The following ATG7 variants were observed in gnomAD, a reference collection of about 807,000 sequenced individuals.
ATG7 encodes autophagy related 7, also known as ubiquitin-like modifier-activating enzyme ATG7.
A neutral mutation model predicts 82.4 loss-of-function variants in ATG7; 70 were observed. That is an observed-to-expected ratio of 0.85 (90% CI 0.70 to 1.04). ATG7 has a LOEUF of 1.04. ATG7 is among the 50% of genes least tolerant of loss of function. The probability of loss-of-function intolerance (pLI) is 0.00; values close to 1 mark genes in which losing one functional copy is unlikely to be tolerated. For missense variants in ATG7, 792 were observed against 864.3 expected (o/e 0.92, Z 1.05); for synonymous variants, 287 against 313.0 (o/e 0.92, Z 0.88).
At chr3:11,376,863 C>T (rs561040363) in intron 18 of ATG7, among the ~76,000 whole-genome samples, 2 of 152,298 alleles carry the variant, frequency 1.3e-5, no homozygotes, top group Non-Finnish European at 2.9e-5. Flanking sequence ...CTCAGCCTCC[C>T]GAGTAGCTGG....
chr3:11,330,138 G>C (rs1575488821), intron 9 of ATG7, among the ~76,000 whole-genome samples: 1 of 152,090 alleles, frequency 6.6e-6, no homozygotes, highest in Admixed American at 6.5e-5. Context: ...TGACATCCTT[G>C]GTAATGTTAA....
At chr3:11,400,077 T>C (rs752134093) in intron 19 of ATG7, among the ~76,000 whole-genome samples, 1 of 152,224 alleles carries the variant, frequency 6.6e-6, no homozygotes, top group African/African-American at 2.4e-5. Flanking sequence ...GCCCATCATT[T>C]ACACTGTTCT....
intron 20 of ATG7, among the ~76,000 whole-genome samples, chr3:11,427,855 G>C (rs541179354): frequency 6.6e-6 from 1 of 151,814 alleles, no homozygotes; most frequent in Non-Finnish European, 1.5e-5. Flanking sequence ...CCAAATGCTC[G>C]CTGTTCTTAG....
intron 20 of ATG7, among the ~76,000 whole-genome samples, chr3:11,545,722 C>A (rs1249505460): frequency 6.6e-6 from 1 of 152,104 alleles, no homozygotes; most frequent in East Asian, 1.9e-4. Flanking sequence ...CTGTTGTCAG[C>A]CCCCCTGGCG....
intron 11 of ATG7, among the ~76,000 whole-genome samples, chr3:11,334,203 T>C (rs928759184): frequency 3.3e-5 from 5 of 152,158 alleles, no homozygotes; most frequent in African/African-American, 1.2e-4. Flanking sequence ...TAATTCCTCA[T>C]CTCTATGTGA....
At position 11,298,828 on chromosome 3, in the gene ATG7, A is replaced by G; in HGVS notation, c.133A>G (p.Lys45Glu). The G allele has an allele frequency of 6.2e-7, 1 of 1,614,200 alleles. No homozygotes were observed. ...CGAGTATCGGCTGGATGAAGCTCCC[A>G]AGGACATTAAGGGTTATTACTACAA... is the stretch of plus-strand genomic sequence containing the variant. ...LNEYRLDEAP[K>E]DIKGYYYNGD... Residue 45 changes from lysine (K) to glutamate (E), a missense_variant, in exon 4 of 21, where the codon AAG (lysine) becomes GAG (glutamate). Transcript: ENST00000693202.
At chr3:11,538,336 C>T (rs1469786364) in intron 20 of ATG7, among the ~76,000 whole-genome samples, 1 of 152,170 alleles carries the variant, frequency 6.6e-6, no homozygotes, top group African/African-American at 2.4e-5. Context: ...CTTGGCAAAA[C>T]ACCCTTTTGC....
At chr3:11,559,468 G>A (rs1402429896), downstream of ATG7, 5 of 1,548,696 alleles carry the variant, frequency 3.2e-6, no homozygotes, top group Admixed American at 7.9e-5. Context: ...GCGGGGAGGA[G>A]GGGTGTCAGT....
chr3:11,374,765 G>C (rs928853084), intron 18 of ATG7, among the ~76,000 whole-genome samples: 1 of 151,906 alleles, frequency 6.6e-6, no homozygotes, highest in Non-Finnish European at 1.5e-5. Context: ...TTAGCCAGGC[G>C]TGGTGGCGGG....
intron 7 of ATG7, among the ~76,000 whole-genome samples, chr3:11,311,591 C>G (rs1226177709): frequency 7.6e-6 from 1 of 131,220 alleles, no homozygotes; most frequent in Non-Finnish European, 1.6e-5. Flanking sequence ...TGTGACAGAG[C>G]AAGACTGTCT....
chr3:11,535,724 G>A (rs1036914459), intron 20 of ATG7, among the ~76,000 whole-genome samples: 4 of 152,096 alleles, frequency 2.6e-5, no homozygotes, highest in African/African-American at 9.7e-5. Context: ...CGTGCGCTGG[G>A]GGGAGAACCT....
chr3:11,556,264 T>C lies in ATG7; in HGVS notation c.*1421T>C, dbSNP rs981728636. 2 of 152,668 alleles carry C rather than the reference T, an allele frequency of 1.3e-5. No individual in the cohort carries two copies. The highest frequency in any genetic ancestry group is 6.5e-5 in the Admixed American group (1 of 15,272). The allele number at this position is 152,668 out of a possible 1,614,324, so 9.5% of individuals were successfully genotyped here. On this transcript the variant is annotated 3_prime_UTR_variant, in exon 21 of 21. Coordinates refer to ENST00000693202, the MANE Select transcript of ATG7 (RefSeq NM_001349232.2). ...TCTGGGAAGAACTTCACGGAGCCCC[T>C]TCTTAGAGCAGGGAGGGGGCTTTCT...
chr3:11,350,039 T>TA (rs1462816431), intron 14 of ATG7, among the ~76,000 whole-genome samples: 5 of 152,186 alleles, frequency 3.3e-5, no homozygotes, highest in African/African-American at 1.2e-4. Context: ...TGCTTATACT[T>TA]AAAGTGCCAG....
intron 18 of ATG7, among the ~76,000 whole-genome samples, chr3:11,372,837 C>CGT (rs746420754): frequency 3.3e-5 from 3 of 90,538 alleles, no homozygotes; most frequent in African/African-American, 2.1e-4. Context: ...CGTGTGTGTG[C>CGT]GTGCGTGCGT....
rs74537877 is a variant in ATG7, at chr3:11,534,598, G to A, written c.2080-20213G>A. Among the ~76,000 whole-genome samples, 139 of 152,358 alleles carry A rather than the reference G, an allele frequency of 9.1e-4. 1 individual carries two copies. Among genetic ancestry groups the A allele is most frequent in the African/African-American group, 3.2e-3 (133 of 41,582 alleles). ...CCGCCAGGCAGGGACTGCATACTGCGGTTTCGTAGTCGCTGTGCTAAGGGG... is the reference window on the plus strand; with the variant it reads ...CCGCCAGGCAGGGACTGCATACTGCAGTTTCGTAGTCGCTGTGCTAAGGGG... On this transcript the variant is annotated intron_variant, in intron 20 of 20. Transcript: ENST00000693202.
intron 19 of ATG7, among the ~76,000 whole-genome samples, chr3:11,396,944 G>A (rs2079346973): frequency 6.6e-6 from 1 of 151,944 alleles, no homozygotes; most frequent in African/African-American, 2.4e-5. Flanking sequence ...ATAACTGATA[G>A]ACTAAACAGT....
intron 9 of ATG7, among the ~76,000 whole-genome samples, chr3:11,318,836 C>T (rs1367687985): frequency 6.6e-6 from 1 of 152,218 alleles, no homozygotes; most frequent in Non-Finnish European, 1.5e-5. Flanking sequence ...TGTCACCTGG[C>T]TGCTGCCTCA....
chr3:11,513,168 G>A (rs1341919169), intron 20 of ATG7, among the ~76,000 whole-genome samples: 1 of 152,248 alleles, frequency 6.6e-6, no homozygotes. Context: ...AGACTCAGGA[G>A]CCCAGCTGGC....
the ATG7 span, among the ~76,000 whole-genome samples, chr3:11,576,061 T>A: frequency 6.6e-6 from 1 of 152,224 alleles, no homozygotes; most frequent in Non-Finnish European, 1.5e-5. Context: ...TAGCTTTAGT[T>A]TTTTAAGAAA....
Sources: gnomAD v4.1 joint callset for allele counts (sites outside exome capture counted in the v4.1 genomes callset) on GRCh38, gnomAD v4.1.1 for gene constraint, MANE v1.5 for transcripts, NCBI Gene and HGNC (gene_info 2026-07-23, HGNC 2026-07-21) for gene names.